COL10A1: variants seen among roughly 807,000 people sequenced by gnomAD.
The protein encoded by COL10A1 is collagen type X alpha 1 chain.
COL10A1 carries 10 observed loss-of-function variants against 18.2 expected under a neutral mutation model. The observed-to-expected ratio is 0.55, with a 90% confidence interval of 0.34 to 0.93. The LOEUF (loss-of-function observed/expected upper bound fraction) is 0.93. COL10A1 is among the 40% of genes least tolerant of loss of function. COL10A1 has a pLI of 0.02. For missense variants in COL10A1, 897 were observed against 853.5 expected (o/e 1.05, Z -0.64); for synonymous variants, 330 against 316.6 (o/e 1.04, Z -0.45).
the COL10A1 span, among the ~76,000 whole-genome samples, chr6:116,190,029 G>C: frequency 2.6e-5 from 4 of 151,924 alleles, no homozygotes; most frequent in Non-Finnish European, 5.9e-5. Flanking sequence ...TTTAATGTGG[G>C]CAGATTATTT....
chr6:116,127,724 TGTGTGTATATATG>T (rs1389922001), upstream of COL10A1, among the ~76,000 whole-genome samples: 1 of 152,194 alleles, frequency 6.6e-6, no homozygotes, highest in Non-Finnish European at 1.5e-5. Flanking sequence ...TTTAATATTT[TGTGTGTATATATG>T]GTGATACACA....
intron 2 of COL10A1, among the ~76,000 whole-genome samples, chr6:116,124,631 A>G (rs1779237222): frequency 6.6e-6 from 1 of 152,222 alleles, no homozygotes; most frequent in South Asian, 2.1e-4. Flanking sequence ...TAATTCATTT[A>G]AACTTCGCAG....
chr6:116,138,679 A>G (rs906609468), intron 1 of COL10A1, among the ~76,000 whole-genome samples: 2 of 152,154 alleles, frequency 1.3e-5, no homozygotes, highest in African/African-American at 2.4e-5. Context: ...AAAACTTCTC[A>G]ATATTTTGGG....
chr6:116,159,662 G>A (rs1429374286), upstream of COL10A1, among the ~76,000 whole-genome samples: 1 of 152,144 alleles, frequency 6.6e-6, no homozygotes, highest in Non-Finnish European at 1.5e-5. Context: ...GGATATATGT[G>A]CAGGTTTGTT....
chr6:116,215,680 G>T, the COL10A1 span, among the ~76,000 whole-genome samples: 1 of 152,098 alleles, frequency 6.6e-6, no homozygotes, highest in African/African-American at 2.4e-5. Context: ...AGGAAACTAG[G>T]TTCTTTTAGA....
the COL10A1 span, among the ~76,000 whole-genome samples, chr6:116,185,180 C>T: frequency 1.3e-5 from 2 of 151,966 alleles, no homozygotes; most frequent in African/African-American, 2.4e-5. Context: ...TTTGAGGGTT[C>T]CTTTTGGAGT....
the COL10A1 span, among the ~76,000 whole-genome samples, chr6:116,189,074 C>G: frequency 6.6e-6 from 1 of 151,872 alleles, no homozygotes. Flanking sequence ...TATCAGTTTT[C>G]TCATTGCAAT....
At chr6:116,170,406 A>G in the COL10A1 span, among the ~76,000 whole-genome samples, 1 of 152,164 alleles carries the variant, frequency 6.6e-6, no homozygotes, top group Non-Finnish European at 1.5e-5. Context: ...TTGTAGGCAG[A>G]TTATCTAGCC....
Sources: gnomAD v4.1 joint callset for allele counts (sites outside exome capture counted in the v4.1 genomes callset) on GRCh38, gnomAD v4.1.1 for gene constraint, MANE v1.5 for transcripts, NCBI Gene and HGNC (gene_info 2026-07-23, HGNC 2026-07-21) for gene names.